Variants in PTPRG observed in about 807,000 individuals in gnomAD.
PTPRG encodes the protein receptor-type tyrosine-protein phosphatase gamma.
PTPRG carries 102 observed loss-of-function variants against 165.3 expected under a neutral mutation model. The ratio of observed to expected loss-of-function variants is 0.62; its 90% CI spans 0.53 to 0.73. The LOEUF is 0.73. PTPRG is among the 30% of genes least tolerant of loss of function. PTPRG has a pLI of 0.00. For missense variants in PTPRG, 1,866 were observed against 1,861.4 expected, an observed-to-expected ratio of 1.00 and a Z score of -0.05; for synonymous variants, 675 against 669.5, an observed-to-expected ratio of 1.01 and a Z score of -0.13.
intron 28 of PTPRG, 111 bp downstream of exon 28, chr3:62,282,980 T>C: frequency 1.1e-6 from 1 of 924,138 alleles, no homozygotes; most frequent in Non-Finnish European, 1.6e-6. Context: ...CAACCTCAGC[T>C]TGTGACAACT....
intron 7 of PTPRG, among the ~76,000 whole-genome samples, chr3:62,167,581 A>G (rs993790200): frequency 1.3e-5 from 2 of 152,182 alleles, no homozygotes; most frequent in Non-Finnish European, 1.5e-5. Flanking sequence ...GTTAGTATTC[A>G]TACCCAGGCA....
intron 4 of PTPRG, among the ~76,000 whole-genome samples, chr3:62,006,774 G>T (rs2041307778): frequency 1.3e-5 from 2 of 152,146 alleles, no homozygotes; most frequent in Admixed American, 1.3e-4. Context: ...TTACTTTCTA[G>T]TTGGTAGAGG....
chr3:62,056,786 C>A (rs1700649635), intron 4 of PTPRG, among the ~76,000 whole-genome samples: 1 of 152,100 alleles, frequency 6.6e-6, no homozygotes, highest in Admixed American at 6.5e-5. Flanking sequence ...CTAAACTGTG[C>A]CACCCTGTCA....
At chr3:61,570,627 T>C (rs1320726607) in intron 1 of PTPRG, among the ~76,000 whole-genome samples, 1 of 152,208 alleles carries the variant, frequency 6.6e-6, no homozygotes, top group Non-Finnish European at 1.5e-5. Context: ...TGCAGTGCAC[T>C]TAAATCAGAT....
intron 4 of PTPRG, among the ~76,000 whole-genome samples, chr3:62,018,720 G>A (rs1460520043): frequency 6.6e-6 from 1 of 152,216 alleles, no homozygotes; most frequent in South Asian, 2.1e-4. Context: ...GGAATAGGAT[G>A]CATAGGAGGT....
At chr3:61,634,648 A>G (rs1701857953) in intron 1 of PTPRG, among the ~76,000 whole-genome samples, 1 of 152,168 alleles carries the variant, frequency 6.6e-6, no homozygotes, top group Non-Finnish European at 1.5e-5. Flanking sequence ...AGCAGGTAGC[A>G]GGACAGAACT....
chr3:62,286,179 C>A (rs1161583431), intron 28 of PTPRG, among the ~76,000 whole-genome samples: 1 of 152,158 alleles, frequency 6.6e-6, no homozygotes. Flanking sequence ...CTTTAAGTGA[C>A]ACAAGGCATA....
At chr3:61,714,310 G>T (rs1450416916) in intron 1 of PTPRG, among the ~76,000 whole-genome samples, 1 of 152,074 alleles carries the variant, frequency 6.6e-6, no homozygotes, top group African/African-American at 2.4e-5. Flanking sequence ...ATAAAGACCA[G>T]CCTTCACCCT....
chr3:61,956,291 C>G lies in PTPRG; in HGVS notation c.191-33334C>G, dbSNP rs74355425. Among the ~76,000 whole-genome samples, 988 of 113,362 alleles carry G rather than the reference C, an allele frequency of 8.7e-3. 5 individuals are homozygous for G. Among genetic ancestry groups the G allele is most frequent in the Middle Eastern group, 0.069 (14 of 204 alleles). 74.4% of individuals were successfully genotyped at this position (113,362 alleles called of 152,430 possible). A position where few individuals can be genotyped will look rare whatever the true frequency, so the allele number is the denominator to read the frequency against. On this transcript the variant is annotated intron_variant, in intron 2 of 29. Coordinates refer to ENST00000474889, the MANE Select transcript of PTPRG (RefSeq NM_002841.4). ...GTGCACGCTGTCTCTCTCTCTCTCT[C>G]TCTCACACACACACACACGCTTACT... is the stretch of plus-strand genomic sequence containing the variant.
At chr3:62,227,902 TA>T (rs1346684879) in intron 13 of PTPRG, among the ~76,000 whole-genome samples, 1 of 152,214 alleles carries the variant, frequency 6.6e-6, no homozygotes, top group Non-Finnish European at 1.5e-5. Flanking sequence ...AAACCCCAGT[TA>T]TCTGGCTTCT....
chr3:61,889,729 T>C (rs773713013), intron 2 of PTPRG, among the ~76,000 whole-genome samples: 37 of 152,230 alleles, frequency 2.4e-4, no homozygotes, highest in Non-Finnish European at 5.3e-4. Context: ...CATCACACTC[T>C]TCCCCAGAAA....
intron 1 of PTPRG, among the ~76,000 whole-genome samples, chr3:61,656,049 C>T (rs1053383911): frequency 2.7e-5 from 4 of 150,602 alleles, no homozygotes; most frequent in African/African-American, 9.8e-5. Context: ...ACCCCCCCCC[C>T]CCCGACCATC....
chr3:62,100,626 C>T, intron 5 of PTPRG, among the ~76,000 whole-genome samples: 1 of 152,300 alleles, frequency 6.6e-6, no homozygotes, highest in Non-Finnish European at 1.5e-5. Context: ...ACAAGAAGCA[C>T]ACAGGAATGT....
intron 2 of PTPRG, chr3:61,770,833 T>G (rs2034185765): frequency 6.6e-6 from 1 of 152,210 alleles, no homozygotes; most frequent in Non-Finnish European, 1.5e-5. Flanking sequence ...TTATTTTATT[T>G]TTGCCTGCCA....
At chr3:61,717,320 A>G (rs982588206) in intron 1 of PTPRG, among the ~76,000 whole-genome samples, 1 of 152,212 alleles carries the variant, frequency 6.6e-6, no homozygotes, top group Non-Finnish European at 1.5e-5. Flanking sequence ...TATTGTTATT[A>G]TTCCCATTTT....
intron 2 of PTPRG, among the ~76,000 whole-genome samples, chr3:61,889,367 C>T (rs1202456002): frequency 6.6e-6 from 1 of 152,162 alleles, no homozygotes; most frequent in Non-Finnish European, 1.5e-5. Context: ...TGTTATTTTG[C>T]TGTTCAAATT....
intron 12 of PTPRG, among the ~76,000 whole-genome samples, chr3:62,205,221 G>T (rs1335799713): frequency 6.6e-6 from 1 of 152,154 alleles, no homozygotes; most frequent in East Asian, 1.9e-4. Flanking sequence ...GAAAGGTGCA[G>T]AGTAGCCTTT....
chr3:61,855,683 A>G (rs1246015838), intron 2 of PTPRG, among the ~76,000 whole-genome samples: 1 of 143,094 alleles, frequency 7.0e-6, no homozygotes, highest in East Asian at 2.0e-4. Context: ...AAAGCAAAGC[A>G]CTGATTTAAT....
intron 1 of PTPRG, among the ~76,000 whole-genome samples, chr3:61,643,785 C>A (rs1702126907): frequency 6.6e-6 from 1 of 151,904 alleles, no homozygotes; most frequent in Non-Finnish European, 1.5e-5. Flanking sequence ...CAAAAAAGCA[C>A]CCACTGTAAC....
Sources: gnomAD v4.1 joint callset for allele counts (sites outside exome capture counted in the v4.1 genomes callset) on GRCh38, gnomAD v4.1.1 for gene constraint, MANE v1.5 for transcripts, NCBI Gene and HGNC (gene_info 2026-07-23, HGNC 2026-07-21) for gene names.